The following APBB2 variants were observed in gnomAD, a reference collection of about 807,000 sequenced individuals.
The protein encoded by APBB2 is Fe65-like 1.
APBB2 carries 38 observed loss-of-function variants against 82.5 expected under a neutral mutation model. The ratio of observed to expected loss-of-function variants is 0.46; its 90% confidence interval spans 0.36 to 0.60. The LOEUF (loss-of-function observed/expected upper bound fraction) is 0.60, where lower values mean the gene tolerates loss of function less well. Ranked by LOEUF, APBB2 falls within the 20% of genes least tolerant of loss-of-function variation. The pLI is 0.00. For missense variants in APBB2, 772 were observed against 972.3 expected, an observed-to-expected ratio of 0.79 and a Z score of 2.74; for synonymous variants, 341 against 368.2, an observed-to-expected ratio of 0.93 and a Z score of 0.85.
chr4:41,205,794 C>T (rs1248259075), intron 1 of APBB2, among the ~76,000 whole-genome samples: 1 of 152,188 alleles, frequency 6.6e-6, no homozygotes, highest in Non-Finnish European at 1.5e-5. Context: ...GAAATCTTCA[C>T]AACAATCATA....
At chr4:41,137,733 C>CA (rs1029717204) in intron 2 of APBB2, among the ~76,000 whole-genome samples, 1 of 151,870 alleles carries the variant, frequency 6.6e-6, no homozygotes, top group Non-Finnish European at 1.5e-5. Context: ...TGATTTTCTA[C>CA]AAAAAAAGTC....
intron 1 of APBB2, among the ~76,000 whole-genome samples, chr4:41,147,086 C>T (rs1315942068): frequency 1.3e-5 from 2 of 152,228 alleles, no homozygotes; most frequent in African/African-American, 4.8e-5. Context: ...TGCCTCAGTT[C>T]TAACAGTAAA....
In APBB2 at chr4:41,072,001, G is replaced by C. The variant is rs547756437; in HGVS notation, c.-148-6328C>G. On this transcript the variant is annotated intron_variant, in intron 3 of 17. Coordinates refer to ENST00000508593, the MANE Select transcript of APBB2 (RefSeq NM_004307.2). ...AGCTGGGTTTCTACCACCACAAAGA[G>C]AGCTGGATGGGGAGTTACTACTAAA... Among the ~76,000 whole-genome samples, 40 of 143,174 alleles carry C rather than the reference G, an allele frequency of 2.8e-4. No homozygotes were observed. The South Asian group carries it at 7.0e-3, about 25-fold the overall frequency. 93.9% of individuals were successfully genotyped at this position (143,174 alleles called of 152,430 possible). A position where few individuals can be genotyped will look rare whatever the true frequency, so the allele number is the denominator to read the frequency against.
At chr4:41,087,954 G>A (rs1333837163) in intron 3 of APBB2, among the ~76,000 whole-genome samples, 2 of 152,132 alleles carry the variant, frequency 1.3e-5, no homozygotes, top group East Asian at 1.9e-4. Context: ...CAAAACAGCC[G>A]CAGTCACAAA....
intron 4 of APBB2, among the ~76,000 whole-genome samples, chr4:41,048,933 G>T (rs111336243): frequency 6.6e-6 from 1 of 152,052 alleles, no homozygotes; most frequent in African/African-American, 2.4e-5. Flanking sequence ...CCTCGGTGCC[G>T]GGATTGCAGA....
intron 12 of APBB2, among the ~76,000 whole-genome samples, chr4:40,883,821 T>C (rs747473979): frequency 1.3e-5 from 2 of 152,178 alleles, no homozygotes; most frequent in Non-Finnish European, 2.9e-5. Flanking sequence ...GTTCCTTCTA[T>C]GAAGAGCTGG....
intron 6 of APBB2, among the ~76,000 whole-genome samples, chr4:40,972,035 A>G (rs1203722076): frequency 6.6e-6 from 1 of 152,216 alleles, no homozygotes; most frequent in Non-Finnish European, 1.5e-5. Context: ...GCTCTCAACA[A>G]AAAATAAAAT....
intron 10 of APBB2, among the ~76,000 whole-genome samples, chr4:40,920,206 C>T (rs774452750): frequency 1.7e-4 from 26 of 152,216 alleles, no homozygotes; most frequent in Middle Eastern, 6.8e-3. Flanking sequence ...GTAAGTTTCA[C>T]GAGATCTGAT....
chr4:40,816,392 A>C, intron 17 of APBB2, 133 bp from the exon 18 acceptor site: 1 of 965,604 alleles, frequency 1.0e-6, no homozygotes, highest in Non-Finnish European at 1.5e-6. Flanking sequence ...TAAATCCAAG[A>C]GTTATTTTTC....
chr4:40,816,014 GTCGGATGGCGGAGT>G lies in APBB2; in HGVS notation c.*64_*77del. ...CAAAGCATCAGCAACTGGATGGAAG[GTCGGATGGCGGAGT>G]TCATTTTCTTTAGTGTAGCTAGTCA... On this transcript the variant is annotated 3_prime_UTR_variant, in exon 18 of 18. Transcript: ENST00000508593. The G allele has an allele frequency of 6.6e-7, 1 of 1,512,816 alleles. No homozygotes were observed. The highest frequency in any genetic ancestry group is 9.1e-7 in the Non-Finnish European group (1 of 1,104,746). 93.7% of individuals were successfully genotyped at this position (1,512,816 alleles called of 1,614,324 possible). A position where few individuals can be genotyped will look rare whatever the true frequency, so the allele number is the denominator to read the frequency against.
chr4:41,181,012 A>G (rs1026111003), intron 1 of APBB2, among the ~76,000 whole-genome samples: 1 of 152,228 alleles, frequency 6.6e-6, no homozygotes, highest in African/African-American at 2.4e-5. Context: ...GCTCTCTTCA[A>G]AAGAGCAGGA....
At chr4:40,907,365 ATATATATATATATATTTTT>A (rs1389060035) in intron 10 of APBB2, among the ~76,000 whole-genome samples, 5 of 85,062 alleles carry the variant, frequency 5.9e-5, no homozygotes, top group African/African-American at 3.0e-4. Flanking sequence ...ATATATATAT[ATATATATATATATATTTTT>A]TTTTTTTTTT....
At chr4:40,840,617 T>C (rs974062520) in intron 12 of APBB2, among the ~76,000 whole-genome samples, 12 of 152,222 alleles carry the variant, frequency 7.9e-5, no homozygotes, top group East Asian at 7.7e-4. Flanking sequence ...CTTAAAAAGA[T>C]GCTAAGTTTT....
At chr4:40,842,902 T>G in intron 12 of APBB2, among the ~76,000 whole-genome samples, 1 of 149,830 alleles carries the variant, frequency 6.7e-6, no homozygotes, top group African/African-American at 2.5e-5. Context: ...CAAGGGCGGG[T>G]GGGAAGTGGG....
At chr4:41,121,181 T>G (rs1349852998) in intron 2 of APBB2, among the ~76,000 whole-genome samples, 1 of 152,262 alleles carries the variant, frequency 6.6e-6, no homozygotes, top group Non-Finnish European at 1.5e-5. Context: ...ATTTTTAATG[T>G]CCTGCTTACT....
chr4:41,014,413 A>G lies in APBB2; in HGVS notation c.20-15T>C, dbSNP rs750135605. ...ACCTGAGTCAGCTGGGGAAAAAAAA[A>G]GTCATTAGACACCTGCCATGATTAA... is the stretch of plus-strand genomic sequence containing the variant. On this transcript the variant is annotated splice_polypyrimidine_tract_variant and intron_variant, in intron 5 of 17. Transcript: ENST00000508593. The G allele has an allele frequency of 2.8e-5, 45 of 1,609,790 alleles. No individual in the cohort carries two copies. Among genetic ancestry groups the G allele is most frequent in the Non-Finnish European group, 3.7e-5 (44 of 1,177,374 alleles).
At chr4:41,179,649 T>C (rs1029119138) in intron 1 of APBB2, among the ~76,000 whole-genome samples, 3 of 152,206 alleles carry the variant, frequency 2.0e-5, no homozygotes, top group Non-Finnish European at 4.4e-5. Flanking sequence ...TCATGAAATA[T>C]AGCATCAATT....
intron 1 of APBB2, among the ~76,000 whole-genome samples, chr4:41,188,474 T>C (rs923248278): frequency 5.9e-5 from 9 of 152,112 alleles, no homozygotes; most frequent in African/African-American, 1.9e-4. Flanking sequence ...TGGATGGGAT[T>C]TGTGCCCTTA....
chr4:41,196,988 C>T, intron 1 of APBB2, among the ~76,000 whole-genome samples: 80 of 152,246 alleles, frequency 5.3e-4, no homozygotes, highest in African/African-American at 1.9e-3. Flanking sequence ...TGAACATAGA[C>T]TGATGTCACT....
Sources: allele counts gnomAD v4.1 joint callset (sites outside exome capture counted in the v4.1 genomes callset), GRCh38; gene constraint gnomAD v4.1.1; transcripts MANE v1.5; gene names NCBI Gene and HGNC (gene_info 2026-07-23, HGNC 2026-07-21).